PBX4: variants seen among roughly 807,000 people sequenced by gnomAD.
PBX4 encodes pre-B-cell leukemia transcription factor 4.
PBX4 carries 26 observed loss-of-function variants against 35.1 expected under a neutral mutation model. The ratio of observed to expected loss-of-function variants is 0.74; its 90% CI spans 0.54 to 1.03. PBX4 has a LOEUF of 1.03. Among genes scored for constraint, PBX4 ranks in the 50% least tolerant of loss-of-function variants. PBX4 has a pLI of 0.00. For missense variants in PBX4, 448 were observed against 504.3 expected, an observed-to-expected ratio of 0.89 and a Z score of 1.07; for synonymous variants, 199 against 204.2, an observed-to-expected ratio of 0.97 and a Z score of 0.22.
At position 19,563,123 on chromosome 19, in the gene PBX4, T is replaced by C. The variant is rs778964155; in HGVS notation, c.1032+386A>G. Among the ~76,000 whole-genome samples, 10 of 152,070 alleles carry C rather than the reference T, an allele frequency of 6.6e-5. No homozygotes were observed. The highest frequency in any genetic ancestry group is 1.2e-4 in the Non-Finnish European group (8 of 67,998). ...TCCCAGCCAAGCTGCGGCACTGAGG[T>C]CTGAGCCCGAGGGAAGGCCCCATCT... On this transcript the variant is annotated intron_variant, in intron 7 of 7. Coordinates refer to ENST00000251203, the MANE Select transcript of PBX4 (RefSeq NM_025245.3). The surrounding 1 kb of genome is among the most constrained non-coding windows in gnomAD (Gnocchi z 5.1).
Position 19,565,105 on chromosome 19 carries a change from A to G in PBX4, c.769-16T>C. On this transcript the variant is annotated splice_polypyrimidine_tract_variant and intron_variant, in intron 5 of 7. Transcript: ENST00000251203. The stretch of plus-strand genomic sequence containing the variant: ...AGTTAGAGACCTGCGGACACACAGG[A>G]GTCACTGGAGGAGCTGACCCAGCGA... 9.9e-6 allele frequency: 16 copies of G among 1,614,056 alleles called. No homozygotes were observed. The highest frequency in any genetic ancestry group is 1.4e-5 in the Non-Finnish European group (16 of 1,179,986).
intron 1 of PBX4, among the ~76,000 whole-genome samples, chr19:19,602,028 C>G (rs1271193548): frequency 3.3e-5 from 5 of 152,106 alleles, no homozygotes; most frequent in African/African-American, 1.2e-4. Flanking sequence ...GTTGTAGAGA[C>G]AGGGTCTCGT....
At chr19:19,576,769 C>T (rs551748808) in intron 2 of PBX4, among the ~76,000 whole-genome samples, 1 of 152,158 alleles carries the variant, frequency 6.6e-6, no homozygotes, top group Non-Finnish European at 1.5e-5. Context: ...ACACATGCCA[C>T]CACACCTGGC....
intron 2 of PBX4, among the ~76,000 whole-genome samples, chr19:19,598,756 G>A (rs2061576108): frequency 6.6e-6 from 1 of 152,108 alleles, no homozygotes; most frequent in East Asian, 1.9e-4. Context: ...AAATCAGTGT[G>A]CATACTGGAA....
chr19:19,566,441 C>T (rs1349208178), intron 5 of PBX4, among the ~76,000 whole-genome samples: 1 of 152,228 alleles, frequency 6.6e-6, no homozygotes, highest in African/African-American at 2.4e-5. Flanking sequence ...GGCCACATTT[C>T]AGTATCCCAA....
Position 19,565,096 on chromosome 19 carries a change from A to G in PBX4, c.769-7T>C. Reference sequence around the variant, plus strand: ...TGCCAAACCAGTTAGAGACCTGCGGACACACAGGAGTCACTGGAGGAGCTG... The same window carrying G: ...TGCCAAACCAGTTAGAGACCTGCGGGCACACAGGAGTCACTGGAGGAGCTG... On this transcript the variant is annotated splice_polypyrimidine_tract_variant and splice_region_variant and intron_variant, in intron 5 of 7. Transcript: ENST00000251203. The G allele has an allele frequency of 6.2e-7, 1 of 1,614,116 alleles. No individual in the cohort carries two copies. Among genetic ancestry groups the G allele is most frequent in the Non-Finnish European group, 8.5e-7 (1 of 1,179,998 alleles).
chr19:19,567,459 C>T (rs1363811095), intron 5 of PBX4, among the ~76,000 whole-genome samples: 1 of 152,172 alleles, frequency 6.6e-6, no homozygotes, highest in African/African-American at 2.4e-5. Context: ...TCAGCCCCTC[C>T]AACTGCAAAG....
intron 5 of PBX4, among the ~76,000 whole-genome samples, chr19:19,567,456 C>G (rs2061349735): frequency 6.6e-6 from 1 of 152,196 alleles, no homozygotes; most frequent in Non-Finnish European, 1.5e-5. Context: ...AACTCAGCCC[C>G]TCCAACTGCA....
intron 2 of PBX4, among the ~76,000 whole-genome samples, chr19:19,579,300 G>C (rs1380835790): frequency 1.3e-5 from 2 of 150,516 alleles, no homozygotes; most frequent in Non-Finnish European, 3.0e-5. Context: ...AGTGAGCCGG[G>C]ATTAAGCCAC....
At chr19:19,590,913 C>T (rs1021987395) in intron 2 of PBX4, among the ~76,000 whole-genome samples, 1 of 152,202 alleles carries the variant, frequency 6.6e-6, no homozygotes, top group Non-Finnish European at 1.5e-5. Context: ...TTATAGGAGG[C>T]ACCAGCCCTG....
At chr19:19,566,606 C>T (rs1246888681) in intron 5 of PBX4, among the ~76,000 whole-genome samples, 2 of 152,212 alleles carry the variant, frequency 1.3e-5, no homozygotes, top group African/African-American at 4.8e-5. Context: ...CTCACTGCAA[C>T]CTCTGCCTCC....
intron 1 of PBX4, among the ~76,000 whole-genome samples, chr19:19,603,413 G>A (rs1004528428): frequency 6.6e-6 from 1 of 152,062 alleles, no homozygotes; most frequent in African/African-American, 2.4e-5. Context: ...ATGGGTTCAG[G>A]TGATTCTCCT....
chr19:19,598,444 T>A (rs973411979), intron 2 of PBX4, among the ~76,000 whole-genome samples: 2 of 151,778 alleles, frequency 1.3e-5, no homozygotes, highest in African/African-American at 4.8e-5. Context: ...ATTACAGGCA[T>A]GTGCCACCAT....
rs768779861 is a variant in PBX4 at position 19,570,705 on chromosome 19, C to T, written c.322G>A (p.Ala108Thr). The part of the protein sequence containing the change: ...KRGRGGAVAR[A>T]GTATPGGCPN... Reference sequence around the variant, plus strand: ...CAGCCACCTGGTGTTGCTGTGCCGGCCCTGGCCACCGCTCCTCCTCTTCCT... The same window carrying T: ...CAGCCACCTGGTGTTGCTGTGCCGGTCCTGGCCACCGCTCCTCCTCTTCCT... The change falls in exon 3 of 8, where the codon GCC becomes ACC. Residue 108 changes from alanine (A) to threonine (T), a missense_variant. Ala to Thr is a moderately conservative substitution (Grantham distance 58). Coordinates refer to ENST00000251203, the MANE Select transcript of PBX4 (RefSeq NM_025245.3). 5.6e-6 allele frequency: 9 copies of T among 1,614,146 alleles called. No homozygotes were observed. The highest frequency in any genetic ancestry group is 6.8e-6 in the Non-Finnish European group (8 of 1,180,024).
At chr19:19,582,870 G>A (rs1167411853) in intron 2 of PBX4, among the ~76,000 whole-genome samples, 1 of 152,224 alleles carries the variant, frequency 6.6e-6, no homozygotes, top group Non-Finnish European at 1.5e-5. Flanking sequence ...CTGTCTGACT[G>A]CATGCTCCCC....
At chr19:19,588,555 G>A (rs1277018199) in intron 2 of PBX4, 1 of 452,200 alleles carries the variant, frequency 2.2e-6, no homozygotes, top group Admixed American at 3.1e-5. Context: ...GGCATTACAG[G>A]TGTGAGCCAC....
intron 1 of PBX4, among the ~76,000 whole-genome samples, chr19:19,605,472 G>C (rs551396922): frequency 7.7e-6 from 1 of 130,580 alleles, no homozygotes; most frequent in Admixed American, 7.8e-5. Context: ...AATACAAAAA[G>C]TAAATTATCT....
At chr19:19,617,044 A>C (rs1023172331) in intron 1 of PBX4, among the ~76,000 whole-genome samples, 1 of 151,938 alleles carries the variant, frequency 6.6e-6, no homozygotes, top group Non-Finnish European at 1.5e-5. Flanking sequence ...TCCCAGCCAG[A>C]CTCCGCTTTT....
intron 1 of PBX4, among the ~76,000 whole-genome samples, chr19:19,613,118 C>T (rs1215846230): frequency 6.6e-6 from 1 of 151,810 alleles, no homozygotes; most frequent in South Asian, 2.1e-4. Context: ...CCACTGCACC[C>T]AGCCTAATTT....
Sources: allele counts gnomAD v4.1 joint callset (sites outside exome capture counted in the v4.1 genomes callset), GRCh38; gene constraint gnomAD v4.1.1; non-coding constraint Gnocchi (gnomAD v3.1); transcripts MANE v1.5; gene names NCBI Gene and HGNC (gene_info 2026-07-23, HGNC 2026-07-21).